UBR4: variants seen among roughly 807,000 people sequenced by gnomAD.
UBR4 encodes the protein ubiquitin protein ligase E3 component n-recognin 4.
In UBR4, 124 loss-of-function variants were observed where a neutral mutation model predicts 575.6. The ratio of observed to expected loss-of-function variants is 0.22; its 90% CI spans 0.19 to 0.25. The LOEUF (loss-of-function observed/expected upper bound fraction) is 0.25. UBR4 is among the 10% of genes least tolerant of loss of function. UBR4 has a pLI of 1.00. For missense variants in UBR4, 4,818 were observed against 6,478.8 expected, an observed-to-expected ratio of 0.74 and a Z score of 8.80; for synonymous variants, 2,455 against 2,473.7, an observed-to-expected ratio of 0.99 and a Z score of 0.22.
At chr1:19,160,521 T>C (rs2087158990) in intron 38 of UBR4, among the ~76,000 whole-genome samples, 1 of 152,190 alleles carries the variant, frequency 6.6e-6, no homozygotes, top group Non-Finnish European at 1.5e-5. Flanking sequence ...GATATCCTAA[T>C]GCGCAAAGGC....
chr1:19,151,018 A>C, intron 48 of UBR4: 1 of 579,458 alleles, frequency 1.7e-6, no homozygotes, highest in African/African-American at 1.9e-5. Context: ...CCTACTCAGA[A>C]GAGTCCCTAA....
rs2083535161 is a variant in UBR4, at chr1:19,139,104, A to T, written c.8710T>A (p.Ser2904Thr). ...GSESGGSAVD[S>T]VAGEHSVSGR... The stretch of plus-strand genomic sequence containing the variant: ...TTACCACTGTGCTCGCCAGCCACTG[A>T]GTCCACTGCACTGCCCCCGCTCTCC... The change falls in exon 59 of 106, where the codon TCA becomes ACA. Residue 2904 changes from serine to threonine, a missense_variant. Coordinates refer to ENST00000375254, the MANE Select transcript of UBR4 (RefSeq NM_020765.3). The surrounding 1 kb of genome is among the most constrained non-coding windows in gnomAD (Gnocchi z 4.2). 6.2e-7 allele frequency: 1 copy of T among 1,613,040 alleles called. No homozygotes were observed. The highest frequency in any genetic ancestry group is 8.5e-7 in the Non-Finnish European group (1 of 1,179,426).
intron 90 of UBR4, among the ~76,000 whole-genome samples, 175 bp downstream of exon 90, chr1:19,099,422 C>G (rs2078392813): frequency 6.6e-6 from 1 of 152,146 alleles, no homozygotes; most frequent in Non-Finnish European, 1.5e-5. Context: ...TAGTCAGATG[C>G]CTCCAAAGGA....
chr1:19,174,172 A>T, intron 22 of UBR4, 147 bp downstream of exon 22: 2 of 1,117,098 alleles, frequency 1.8e-6, no homozygotes, highest in Non-Finnish European at 2.4e-6. Flanking sequence ...GAACATAGCT[A>T]CACAAACTAC....
chr1:19,190,312 A>AAAAAAAAAAAATATATAT lies in UBR4; in HGVS notation c.1394+1875_1394+1876insATATATATTTTTTTTTTT. ...TGCCTCAAAAAAAAAAAAAAAAAAA[A>AAAAAAAAAAAATATATAT]ATATATATATATATATATTTGTATG... On this transcript the variant is annotated intron_variant, in intron 11 of 105. Coordinates refer to ENST00000375254, the MANE Select transcript of UBR4 (RefSeq NM_020765.3). 1.4e-3 allele frequency among the ~76,000 whole-genome samples: 114 copies of AAAAAAAAAAAATATATAT among 79,858 alleles called. 2 individuals carry two copies. Among genetic ancestry groups the AAAAAAAAAAAATATATAT allele is most frequent in the East Asian group, 5.8e-3 (10 of 1,722 alleles). 52.4% of individuals were successfully genotyped at this position (79,858 alleles called of 152,430 possible).
rs961476211 is a variant in UBR4, at chr1:19,093,836, A to G, written c.13937+113T>C. 6.4e-6 allele frequency: 8 copies of G among 1,254,068 alleles called. No homozygotes were observed. In the African/African-American group the frequency reaches 1.1e-4, roughly 17 times the overall value. The allele number at this position is 1,254,068 out of a possible 1,614,324, so 77.7% of individuals were successfully genotyped here. ...TAGACTGAGCTCCTTAAAAGCCAGA[A>G]CGAGGACACAAAAATCTAATAGGTA... On this transcript the variant is annotated intron_variant, in intron 95 of 105. Coordinates refer to ENST00000375254, the MANE Select transcript of UBR4 (RefSeq NM_020765.3). This position sits in a 1 kb window ranked among gnomAD's most constrained non-coding sequence, Gnocchi z 4.8.
chr1:19,106,668 A>G lies in UBR4; in HGVS notation c.12294T>C (p.Thr4098=). Residue 4098 remains threonine, a synonymous_variant, in exon 83 of 106, where the codon ACT becomes ACC. Transcript: ENST00000375254. The stretch of plus-strand genomic sequence containing the variant: ...GTTTCCACCTCCACACATACTTCTC[A>G]GTCAAATAGAGATGGCGGAGCTCTG... The part of the protein sequence containing the change: ...SKSELRHLYL[T]EKYVWRWKQF... 1.2e-6 allele frequency: 2 copies of G among 1,610,102 alleles called. No homozygotes were observed. The highest frequency in any genetic ancestry group is 1.7e-6 in the Non-Finnish European group (2 of 1,177,950).
At position 19,093,046 on chromosome 1, in the gene UBR4, G is replaced by C; in HGVS notation, c.14112-128C>G. The C allele has an allele frequency of 1.1e-6, 1 of 917,476 alleles. No individual in the cohort carries two copies. 56.8% of individuals were successfully genotyped at this position (917,476 alleles called of 1,614,324 possible). On this transcript the variant is annotated intron_variant, in intron 96 of 105. Transcript: ENST00000375254. This position sits in a 1 kb window ranked among gnomAD's most constrained non-coding sequence, Gnocchi z 4.8. ...CGTGACCCTCTCCGAGTGTCATAAA[G>C]AATCACATAGAACCACCCAGCTCAG...
chr1:19,161,019 G>A lies in UBR4; in HGVS notation c.5304C>T (p.Ala1768=). The A allele has an allele frequency of 6.2e-7, 1 of 1,614,106 alleles. No homozygotes were observed. The highest frequency in any genetic ancestry group is 8.5e-7 in the Non-Finnish European group (1 of 1,180,026). ...CCTTTCCATCACTGATGGTAACCTT[G>A]GCTTTGTCAGCTGGCGAGGAGGTGC... is the stretch of plus-strand genomic sequence containing the variant. The part of the protein sequence containing the change: ...HASTSSPADK[A]KVTISDGKVA... The change falls in exon 38 of 106, where the codon GCC becomes GCT. Residue 1768 remains alanine (A), a synonymous_variant. Transcript: ENST00000375254.
At chr1:19,124,195 T>C (rs1196964930) in intron 65 of UBR4, among the ~76,000 whole-genome samples, 1 of 152,266 alleles carries the variant, frequency 6.6e-6, no homozygotes, top group African/African-American at 2.4e-5. Context: ...TCTTTTTTGT[T>C]GTCCAACAGC....
At chr1:19,115,076 A>G in intron 74 of UBR4, 127 bp from the exon 75 acceptor site, 1 of 1,360,016 alleles carries the variant, frequency 7.4e-7, no homozygotes, top group Non-Finnish European at 1.0e-6. Flanking sequence ...TGAAGGGACA[A>G]TAACAAATGA....
chr1:19,177,370 G>A (rs2090379965), intron 19 of UBR4, 91 bp downstream of exon 19: 4 of 1,512,862 alleles, frequency 2.6e-6, no homozygotes, highest in Non-Finnish European at 3.6e-6. Flanking sequence ...CCTAAAGTGG[G>A]TAGGTCATTT....
intron 93 of UBR4, 130 bp from the exon 94 acceptor site, chr1:19,095,155 T>C: frequency 7.5e-7 from 1 of 1,324,786 alleles, no homozygotes; most frequent in Non-Finnish European, 1.1e-6. Flanking sequence ...CGTGTGTATG[T>C]ATGTGCGTGT....
chr1:19,113,863 C>T lies in UBR4; in HGVS notation c.11329-36G>A, dbSNP rs752983567. Reference sequence around the variant, plus strand: ...AAGAGGTAAGCTGTCAGGCTCCCCACCTAAGGTGATCTCACCTAGGAGGCA... The same window carrying T: ...AAGAGGTAAGCTGTCAGGCTCCCCATCTAAGGTGATCTCACCTAGGAGGCA... On this transcript the variant is annotated intron_variant, in intron 76 of 105. Coordinates refer to ENST00000375254, the MANE Select transcript of UBR4 (RefSeq NM_020765.3). The T allele has an allele frequency of 1.9e-6, 3 of 1,614,154 alleles. No homozygotes were observed. In the South Asian group the frequency reaches 3.3e-5, roughly 18 times the overall value.
rs376282267 is a variant in UBR4, at chr1:19,114,008, T to A, written c.11265A>T (p.Gly3755=). The change falls in exon 76 of 106, where the codon GGA becomes GGT. Residue 3755 remains glycine (G), a synonymous_variant. Transcript: ENST00000375254. ...KADRVYHQLM[G]HRPQLENLLC... is the part of the protein sequence containing the mutation. ...GCAGGTTCTCCAGCTGTGGCCGGTGTCCCATCAGCTGATGATACACTCGAT... is the reference window on the plus strand; with the variant it reads ...GCAGGTTCTCCAGCTGTGGCCGGTGACCCATCAGCTGATGATACACTCGAT... The A allele has an allele frequency of 1.2e-6, 2 of 1,614,102 alleles. No individual in the cohort carries two copies. The highest frequency in any genetic ancestry group is 1.7e-6 in the Non-Finnish European group (2 of 1,180,048).
At position 19,155,621 on chromosome 1, in the gene UBR4, G is replaced by A. The variant is rs1230171209; in HGVS notation, c.6120C>T (p.Leu2040=). The A allele has an allele frequency of 5.0e-6, 8 of 1,614,004 alleles. No individual in the cohort carries two copies. The highest frequency in any genetic ancestry group is 6.8e-6 in the Non-Finnish European group (8 of 1,180,026). The change falls in exon 43 of 106, where the codon CTC becomes CTT. Residue 2040 remains leucine, a synonymous_variant. Transcript: ENST00000375254. The stretch of plus-strand genomic sequence containing the variant: ...CATCTCTTATCTTTGAGCTTGGCAG[G>A]AGAAAATAGAAGGTTGGACTCAAGG... ...VDALSPTFYF[L]LPSSKIRDVT... is the part of the protein sequence containing the mutation.
rs188151344 is a variant in UBR4 at position 19,139,464 on chromosome 1, A to T, written c.8594-244T>A. 6.6e-6 allele frequency among the ~76,000 whole-genome samples: 1 copy of T among 152,082 alleles called. No homozygotes were observed. The highest frequency in any genetic ancestry group is 1.5e-5 in the Non-Finnish European group (1 of 68,018). On this transcript the variant is annotated intron_variant, in intron 58 of 105. Transcript: ENST00000375254. The surrounding 1 kb of genome is among the most constrained non-coding windows in gnomAD (Gnocchi z 4.2). ...CAGTACTTAGACAGGAGTGAAGAAA[A>T]CCCAGTTCACTGGGTATTTCCTTCA...
Position 19,139,006 on chromosome 1 carries a change from C to T in UBR4, c.8731+77G>A. On this transcript the variant is annotated intron_variant, in intron 59 of 105. Transcript: ENST00000375254. This position sits in a 1 kb window ranked among gnomAD's most constrained non-coding sequence, Gnocchi z 4.2. ...TACCTTTTCTTTGCAAAAACCAACCCCAAGACCCAAGCAGAGATTCCTGTT... is the reference window on the plus strand; with the variant it reads ...TACCTTTTCTTTGCAAAAACCAACCTCAAGACCCAAGCAGAGATTCCTGTT... The T allele has an allele frequency of 2.7e-6, 4 of 1,487,292 alleles. No homozygotes were observed. Among genetic ancestry groups the T allele is most frequent in the Admixed American group, 4.0e-5 (2 of 49,964 alleles). The allele number at this position is 1,487,292 out of a possible 1,614,324, so 92.1% of individuals were successfully genotyped here. A position where few individuals can be genotyped will look rare whatever the true frequency, so the allele number is the denominator to read the frequency against.
At chr1:19,202,303 C>T (rs1485273019) in intron 1 of UBR4, among the ~76,000 whole-genome samples, 1 of 152,120 alleles carries the variant, frequency 6.6e-6, no homozygotes, top group Non-Finnish European at 1.5e-5. Context: ...TTTTCAAAGT[C>T]AAGCAGAACT....
Sources: allele counts gnomAD v4.1 joint callset (sites outside exome capture counted in the v4.1 genomes callset), GRCh38; gene constraint gnomAD v4.1.1; non-coding constraint Gnocchi (gnomAD v3.1); transcripts MANE v1.5; gene names NCBI Gene and HGNC (gene_info 2026-07-23, HGNC 2026-07-21).